Variants in MPHOSPH9 observed in about 807,000 individuals in gnomAD.
MPHOSPH9 encodes the protein M-phase phosphoprotein 9.
Under a neutral mutation model 145.5 loss-of-function variants are expected in MPHOSPH9, and 88 were observed. The ratio of observed to expected loss-of-function variants is 0.60; its 90% confidence interval spans 0.51 to 0.72. The LOEUF is 0.72. Among genes scored for constraint, MPHOSPH9 ranks in the 30% least tolerant of loss-of-function variants. MPHOSPH9 has a pLI of 0.00. For missense variants in MPHOSPH9, 1,238 were observed against 1,386.6 expected (o/e 0.89, Z 1.70); for synonymous variants, 435 against 486.2 (o/e 0.89, Z 1.39).
chr12:123,194,321 A>G, intron 13 of MPHOSPH9, 65 bp downstream of exon 13: 1 of 905,598 alleles, frequency 1.1e-6, no homozygotes, highest in East Asian at 2.6e-5. Flanking sequence ...ATCACTTGTA[A>G]GAGTATAATA....
intron 8 of MPHOSPH9, among the ~76,000 whole-genome samples, chr12:123,207,130 T>A (rs1256289558): frequency 9.3e-5 from 8 of 86,104 alleles, no homozygotes; most frequent in Admixed American, 1.4e-4. Context: ...GAATAAAATA[T>A]AAATTCTAAA....
intron 7 of MPHOSPH9, among the ~76,000 whole-genome samples, chr12:123,212,832 C>CTT (rs1452374100): frequency 2.4e-5 from 3 of 125,412 alleles, no homozygotes; most frequent in Non-Finnish European, 3.2e-5. Flanking sequence ...AGAAACCATA[C>CTT]TTTGAGTACC....
intron 8 of MPHOSPH9, among the ~76,000 whole-genome samples, chr12:123,206,956 T>A (rs993091069): frequency 9.9e-5 from 15 of 151,798 alleles, no homozygotes; most frequent in Non-Finnish European, 2.2e-4. Context: ...GACTCACAGC[T>A]GTAATCCCAG....
chr12:123,241,168 T>A (rs969992026), intron 1 of MPHOSPH9, among the ~76,000 whole-genome samples: 17 of 151,702 alleles, frequency 1.1e-4, no homozygotes, highest in East Asian at 1.9e-4. Flanking sequence ...GTTTTTTTTT[T>A]AATAAAAGAG....
chr12:123,218,285 G>T (rs113211315), intron 6 of MPHOSPH9, 91 bp downstream of exon 6: 1 of 1,507,918 alleles, frequency 6.6e-7, no homozygotes. Context: ...CAATACAAAA[G>T]AAAGGGCACA....
rs1432432265 is a variant in MPHOSPH9 at position 123,207,629 on chromosome 12, G to A, written c.1194+2427C>T. 5.3e-5 allele frequency among the ~76,000 whole-genome samples: 8 copies of A among 152,098 alleles called. No homozygotes were observed. In the East Asian group the frequency reaches 5.8e-4, roughly 11 times the overall value. ...AGCACTTTGGGAGGCCAAGGCGGGC[G>A]GATCACCTGAGGTCAGGAGTTCGAG... On this transcript the variant is annotated intron_variant, in intron 8 of 23. Coordinates refer to ENST00000606320, the MANE Select transcript of MPHOSPH9 (RefSeq NM_022782.4).
At chr12:123,203,156 G>T (rs2046293496) in intron 9 of MPHOSPH9, 72 bp from the exon 10 acceptor site, 1 of 1,588,420 alleles carries the variant, frequency 6.3e-7, no homozygotes. Context: ...AAGTGAGTAG[G>T]CTTTAGATCT....
chr12:123,235,663 C>T (rs567060013), upstream of MPHOSPH9, among the ~76,000 whole-genome samples: 9 of 151,846 alleles, frequency 5.9e-5, no homozygotes, highest in South Asian at 2.1e-4. Flanking sequence ...TGAGCCACCG[C>T]GCTCGGCCTG....
upstream of MPHOSPH9, among the ~76,000 whole-genome samples, chr12:123,237,316 G>C (rs1434302480): frequency 1.3e-5 from 2 of 152,164 alleles, no homozygotes; most frequent in African/African-American, 4.8e-5. Flanking sequence ...TGTAGTCCCA[G>C]ATACTCAGGA....
At chr12:123,219,490 T>G (rs1305667935) in intron 5 of MPHOSPH9, among the ~76,000 whole-genome samples, 22 of 149,554 alleles carry the variant, frequency 1.5e-4, no homozygotes. Flanking sequence ...GAGGCAGAGC[T>G]TGCAGTGAGC....
intron 12 of MPHOSPH9, among the ~76,000 whole-genome samples, chr12:123,196,930 T>C (rs1024388292): frequency 5.9e-5 from 9 of 151,560 alleles, no homozygotes; most frequent in African/African-American, 1.5e-4. Context: ...TTCATTTATA[T>C]CAATGTTCAG....
At chr12:123,173,038 G>A (rs2044662275) in intron 16 of MPHOSPH9, among the ~76,000 whole-genome samples, 1 of 151,644 alleles carries the variant, frequency 6.6e-6, no homozygotes, top group Admixed American at 6.6e-5. Flanking sequence ...ACTATGCCTG[G>A]CTTATTTTTG....
chr12:123,157,476 T>C (rs974349063), intron 23 of MPHOSPH9, among the ~76,000 whole-genome samples: 1 of 152,188 alleles, frequency 6.6e-6, no homozygotes, highest in Non-Finnish European at 1.5e-5. Context: ...TATATCATTA[T>C]ACATACTTCT....
At chr12:123,190,681 T>C (rs982825420) in intron 13 of MPHOSPH9, among the ~76,000 whole-genome samples, 1 of 152,064 alleles carries the variant, frequency 6.6e-6, no homozygotes, top group African/African-American at 2.4e-5. Flanking sequence ...TAAGAACACA[T>C]AAAACATTAC....
Position 123,155,689 on chromosome 12 carries a change from T to C in MPHOSPH9, c.*1118A>G, listed in dbSNP as rs2043845492. On this transcript the variant is annotated 3_prime_UTR_variant, in exon 24 of 24. Transcript: ENST00000606320. ...TTAACCAGCAGTCCCAACACAAACCTGCCAATGCTCCTGGATCAGAGGAGA... is the reference window on the plus strand; with the variant it reads ...TTAACCAGCAGTCCCAACACAAACCCGCCAATGCTCCTGGATCAGAGGAGA... The C allele has an allele frequency of 6.6e-6, 1 of 152,172 alleles. No homozygotes were observed. Among genetic ancestry groups the C allele is most frequent in the South Asian group, 2.1e-4 (1 of 4,824 alleles). 9.4% of individuals were successfully genotyped at this position (152,172 alleles called of 1,614,324 possible). A position where few individuals can be genotyped will look rare whatever the true frequency, so the allele number is the denominator to read the frequency against.
upstream of MPHOSPH9, among the ~76,000 whole-genome samples, chr12:123,234,677 A>T (rs191176772): frequency 6.6e-6 from 1 of 152,324 alleles, no homozygotes; most frequent in Non-Finnish European, 1.5e-5. Context: ...GATTACAGGC[A>T]TGAGCCACCA....
At chr12:123,203,730 C>A (rs1473283225) in intron 8 of MPHOSPH9, among the ~76,000 whole-genome samples, 1 of 152,198 alleles carries the variant, frequency 6.6e-6, no homozygotes, top group Non-Finnish European at 1.5e-5. Context: ...GTTGCCCAGG[C>A]TGGAGTGCAG....
At chr12:123,166,446 G>A in intron 17 of MPHOSPH9, 1 of 616,352 alleles carries the variant, frequency 1.6e-6, no homozygotes, top group Non-Finnish European at 2.8e-6. Context: ...CCCATACTGT[G>A]CCACTGAGCA....
chr12:123,222,208 C>T (rs576339984), intron 4 of MPHOSPH9, among the ~76,000 whole-genome samples: 1 of 151,570 alleles, frequency 6.6e-6, no homozygotes, highest in African/African-American at 2.4e-5. Flanking sequence ...ATCTGTAATT[C>T]CAGCTACTCA....
Sources: gnomAD v4.1 joint callset for allele counts (sites outside exome capture counted in the v4.1 genomes callset) on GRCh38, gnomAD v4.1.1 for gene constraint, MANE v1.5 for transcripts, NCBI Gene and HGNC (gene_info 2026-07-23, HGNC 2026-07-21) for gene names.